NTNG2: variants seen among roughly 807,000 people sequenced by gnomAD.
NTNG2 encodes the protein netrin-G2.
In NTNG2, 15 loss-of-function variants were observed where a neutral mutation model predicts 47.6. The ratio of observed to expected loss-of-function variants is 0.32; its 90% CI spans 0.21 to 0.49. The LOEUF (loss-of-function observed/expected upper bound fraction) is 0.49, where lower values mean the gene tolerates loss of function less well. NTNG2 is among the 20% of genes least tolerant of loss of function. NTNG2 has a pLI of 0.99. For missense variants in NTNG2, 578 were observed against 764.6 expected (o/e 0.76, Z 2.88); for synonymous variants, 307 against 324.6 (o/e 0.95, Z 0.58).
intron 2 of NTNG2, among the ~76,000 whole-genome samples, chr9:132,171,112 T>A (rs771183049): frequency 6.6e-6 from 1 of 152,144 alleles, no homozygotes; most frequent in Non-Finnish European, 1.5e-5. Flanking sequence ...GCGGGGGGTC[T>A]GTGCTTCTGA....
At chr9:132,237,067 T>C (rs1348214321) in intron 5 of NTNG2, among the ~76,000 whole-genome samples, 1 of 152,154 alleles carries the variant, frequency 6.6e-6, no homozygotes, top group African/African-American at 2.4e-5. Flanking sequence ...ACAGTTTGGC[T>C]TCCAAGAAGG....
intron 3 of NTNG2, among the ~76,000 whole-genome samples, chr9:132,202,324 C>T (rs990530732): frequency 6.6e-6 from 1 of 152,050 alleles, no homozygotes; most frequent in African/African-American, 2.4e-5. Flanking sequence ...TGCAGCCAGC[C>T]CAGGGCCCTG....
chr9:132,189,068 C>CTTTGTTTTTTTTTTTTTT (rs1837640741), intron 2 of NTNG2, among the ~76,000 whole-genome samples: 1 of 93,232 alleles, frequency 1.1e-5, no homozygotes, highest in Admixed American at 1.2e-4. Flanking sequence ...TTAAGCCTTT[C>CTTTGTTTTTTTTTTTTTT]TTTTTTTTTT....
chr9:132,185,507 C>T (rs968558451), intron 2 of NTNG2, among the ~76,000 whole-genome samples: 4 of 152,172 alleles, frequency 2.6e-5, no homozygotes, highest in Admixed American at 2.6e-4. Context: ...CTGCCTGGGT[C>T]TAGCTTATGC....
chr9:132,198,308 T>A lies in NTNG2; in HGVS notation c.556T>A (p.Ser186Thr). The A allele has an allele frequency of 6.2e-7, 1 of 1,612,898 alleles. No homozygotes were observed. The highest frequency in any genetic ancestry group is 8.5e-7 in the Non-Finnish European group (1 of 1,179,934). The change falls in exon 3 of 8, where the codon TCA becomes ACA. Residue 186 changes from serine (S) to threonine (T), a missense_variant. By Grantham distance (58) the Ser-to-Thr change is moderately conservative (BLOSUM62 1). Transcript: ENST00000393229. ...GMSARRARDM[S>T]SSSAHRVLCT... ...GTCCGCCCGCCGGGCCCGCGACATG[T>A]CATCCTCCAGCGCGCACCGCGTGCT...
intron 2 of NTNG2, among the ~76,000 whole-genome samples, chr9:132,172,788 G>A (rs1299809258): frequency 2.8e-5 from 4 of 145,080 alleles, no homozygotes; most frequent in South Asian, 2.2e-4. Flanking sequence ...GGAGTGCAGC[G>A]GCGCAATCTC....
At chr9:132,199,330 A>C (rs1294407394) in intron 3 of NTNG2, among the ~76,000 whole-genome samples, 1 of 152,182 alleles carries the variant, frequency 6.6e-6, no homozygotes, top group Non-Finnish European at 1.5e-5. Flanking sequence ...CACAGAACTC[A>C]GCAAAGCTGC....
At chr9:132,192,210 T>C (rs1175411777) in intron 2 of NTNG2, among the ~76,000 whole-genome samples, 1 of 152,202 alleles carries the variant, frequency 6.6e-6, no homozygotes, top group Non-Finnish European at 1.5e-5. Context: ...CATTATCAGC[T>C]GTCAGATGCT....
chr9:132,225,936 C>T (rs1433436826), intron 3 of NTNG2, among the ~76,000 whole-genome samples: 1 of 152,128 alleles, frequency 6.6e-6, no homozygotes, highest in Non-Finnish European at 1.5e-5. Context: ...ATGCTCTGTC[C>T]TCTGTCTTTC....
chr9:132,206,777 G>A (rs76504806), intron 3 of NTNG2, among the ~76,000 whole-genome samples: 17 of 152,252 alleles, frequency 1.1e-4, no homozygotes, highest in Non-Finnish European at 2.4e-4. Context: ...GCATCTCCCA[G>A]GCCCCCTGAG....
intron 2 of NTNG2, among the ~76,000 whole-genome samples, chr9:132,167,498 A>G (rs883318): frequency 0.47 from 72,063 of 152,128 alleles, 18,343 homozygotes; most frequent in African/African-American, 0.66. Context: ...AGACGGTACC[A>G]TGAAGCTAGA....
Position 132,163,021 on chromosome 9 carries a change from A to G in NTNG2, c.-484+782A>G, listed in dbSNP as rs1835200337. 6.6e-6 allele frequency among the ~76,000 whole-genome samples: 1 copy of G among 152,040 alleles called. No homozygotes were observed. Among genetic ancestry groups the G allele is most frequent in the Non-Finnish European group, 1.5e-5 (1 of 67,976 alleles). On this transcript the variant is annotated intron_variant, in intron 1 of 7. Coordinates refer to ENST00000393229, the MANE Select transcript of NTNG2 (RefSeq NM_032536.4). The surrounding 1 kb of genome is among the most constrained non-coding windows in gnomAD (Gnocchi z 7.2). The stretch of plus-strand genomic sequence containing the variant: ...GGGGCGGCGGCGGCCGGGTCGCCAC[A>G]GGCGGCAGCGCCGGGGCAAAGGATA...
intron 3 of NTNG2, 68 bp downstream of exon 3, chr9:132,198,677 T>C: frequency 6.7e-7 from 1 of 1,490,810 alleles, no homozygotes; most frequent in East Asian, 2.3e-5. Context: ...GGGACGTTAT[T>C]GGATACCTGG....
chr9:132,214,123 C>T (rs1839804014), intron 3 of NTNG2, among the ~76,000 whole-genome samples: 1 of 152,246 alleles, frequency 6.6e-6, no homozygotes, highest in African/African-American at 2.4e-5. Flanking sequence ...CACCCAAACT[C>T]ACCGCTTCCT....
intron 2 of NTNG2, among the ~76,000 whole-genome samples, chr9:132,189,220 G>A (rs73561543): frequency 9.7e-4 from 147 of 151,678 alleles, no homozygotes; most frequent in African/African-American, 3.4e-3. Flanking sequence ...GGGACCACTG[G>A]TGTGTGCCAC....
chr9:132,229,970 C>G (rs567791294), intron 4 of NTNG2, among the ~76,000 whole-genome samples: 2 of 152,226 alleles, frequency 1.3e-5, no homozygotes, highest in African/African-American at 4.8e-5. Flanking sequence ...CGCCCACTCT[C>G]GGCTATATTT....
chr9:132,244,059 C>G lies in NTNG2; in HGVS notation c.*1948C>G, dbSNP rs1167461645. The G allele has an allele frequency of 6.6e-6, 1 of 152,238 alleles. No homozygotes were observed. The highest frequency in any genetic ancestry group is 1.5e-5 in the Non-Finnish European group (1 of 68,068). The allele number at this position is 152,238 out of a possible 1,614,324, so 9.4% of individuals were successfully genotyped here. A position where few individuals can be genotyped will look rare whatever the true frequency, so the allele number is the denominator to read the frequency against. On this transcript the variant is annotated 3_prime_UTR_variant, in exon 8 of 8. Transcript: ENST00000393229. ...GGATAGGAGTGGCCAGGGGACACAG[C>G]TCTGGGCAGTGAGATGTAAGCAGGA...
rs1279950676 is a variant in NTNG2, at chr9:132,240,994, C to T, written c.1307C>T (p.Pro436Leu). ...GAGTGCCGCGAGGGCGCGGCGGGCC[C>T]CAAGTGCGACGACTGCCTCCCCACG... ...FCECREGAAG[P>L]KCDDCLPTHY... Residue 436 changes from proline (P) to leucine (L), a missense_variant, in exon 7 of 8, where the codon CCC (proline) becomes CTC (leucine). Transcript: ENST00000393229. 1 of 1,610,346 alleles carries T rather than the reference C, an allele frequency of 6.2e-7. No homozygotes were observed. Among genetic ancestry groups the T allele is most frequent in the Non-Finnish European group, 8.5e-7 (1 of 1,179,484 alleles).
chr9:132,198,314 T>C lies in NTNG2; in HGVS notation c.562T>C (p.Ser188Pro). 1 of 1,612,842 alleles carries C rather than the reference T, an allele frequency of 6.2e-7. No individual in the cohort carries two copies. Among genetic ancestry groups the C allele is most frequent in the Non-Finnish European group, 8.5e-7 (1 of 1,179,916 alleles). ...SARRARDMSSSSAHRVLCTEE... is the reference protein window; with the variant it reads ...SARRARDMSSPSAHRVLCTEE... ...CCGCCGGGCCCGCGACATGTCATCCTCCAGCGCGCACCGCGTGCTCTGCAC... is the reference window on the plus strand; with the variant it reads ...CCGCCGGGCCCGCGACATGTCATCCCCCAGCGCGCACCGCGTGCTCTGCAC... Residue 188 changes from serine (S) to proline (P), a missense_variant, in exon 3 of 8, where the codon TCC becomes CCC. By Grantham distance (74) the Ser-to-Pro change is moderately conservative. Coordinates refer to ENST00000393229, the MANE Select transcript of NTNG2 (RefSeq NM_032536.4).
Sources: gnomAD v4.1 joint callset for allele counts (sites outside exome capture counted in the v4.1 genomes callset) on GRCh38, gnomAD v4.1.1 for gene constraint, Gnocchi (gnomAD v3.1) non-coding constraint, MANE v1.5 for transcripts, NCBI Gene and HGNC (gene_info 2026-07-23, HGNC 2026-07-21) for gene names.